Variants in LINGO2 observed in about 807,000 individuals in gnomAD.
The protein encoded by LINGO2 is leucine rich repeat and Ig domain containing 2.
In LINGO2, 14 loss-of-function variants were observed where a neutral mutation model predicts 30.6. The ratio of observed to expected loss-of-function variants is 0.46; its 90% CI spans 0.30 to 0.72. LINGO2 has a LOEUF of 0.72. Among genes scored for constraint, LINGO2 ranks in the 30% least tolerant of loss-of-function variants. LINGO2 has a pLI of 0.07. For synonymous variants in LINGO2, 317 were observed against 288.5 expected, an observed-to-expected ratio of 1.10 and a Z score of -1.00; for missense variants, 729 against 751.7, an observed-to-expected ratio of 0.97 and a Z score of 0.35.
intron 2 of LINGO2, among the ~76,000 whole-genome samples, chr9:28,402,851 A>AC (rs1238915958): frequency 6.6e-6 from 1 of 152,088 alleles, no homozygotes; most frequent in Non-Finnish European, 1.5e-5. Context: ...GTTCCCAAAC[A>AC]CCTTACACTT....
At chr9:28,508,193 C>T (rs1820229097) in intron 1 of LINGO2, among the ~76,000 whole-genome samples, 1 of 152,034 alleles carries the variant, frequency 6.6e-6, no homozygotes, top group Non-Finnish European at 1.5e-5. Context: ...CTTTAGGCTA[C>T]TGCTTTGTAC....
chr9:28,466,820 A>G (rs1825323584), intron 2 of LINGO2, among the ~76,000 whole-genome samples: 1 of 152,194 alleles, frequency 6.6e-6, no homozygotes, highest in East Asian at 1.9e-4. Flanking sequence ...TCTTTTATTA[A>G]ATTGAACACA....
At position 28,036,760 on chromosome 9, in the gene LINGO2, G is replaced by A. The variant is rs191481968; in HGVS notation, c.-86-24355C>T. On this transcript the variant is annotated intron_variant, in intron 4 of 5. Coordinates refer to ENST00000379992, the Ensembl canonical transcript of LINGO2. Reference sequence around the variant, plus strand: ...AATGGAAAAATGCAAATAGATACACGTGTAAGATAAGAGACAATTAGGAAA... The same window carrying A: ...AATGGAAAAATGCAAATAGATACACATGTAAGATAAGAGACAATTAGGAAA... Among the ~76,000 whole-genome samples, 16 of 152,104 alleles carry A rather than the reference G, an allele frequency of 1.1e-4. No homozygotes were observed. The East Asian group carries it at 1.5e-3, about 15-fold the overall frequency.
At chr9:28,999,953 A>G in the LINGO2 span, among the ~76,000 whole-genome samples, 4 of 151,986 alleles carry the variant, frequency 2.6e-5, no homozygotes, top group East Asian at 5.8e-4. Flanking sequence ...AACCCCATAT[A>G]CTAAATGTAC....
chr9:29,180,758 TA>T, the LINGO2 span, among the ~76,000 whole-genome samples: 1 of 152,080 alleles, frequency 6.6e-6, no homozygotes, highest in Non-Finnish European at 1.5e-5. Context: ...AAATAACAAC[TA>T]AAGGGAAAAT....
the LINGO2 span, among the ~76,000 whole-genome samples, chr9:29,051,149 C>T: frequency 6.6e-6 from 1 of 152,070 alleles, no homozygotes; most frequent in Non-Finnish European, 1.5e-5. Context: ...CACATCATCA[C>T]CCAAAAAGCC....
At chr9:28,237,761 A>G (rs1483261977) in intron 4 of LINGO2, among the ~76,000 whole-genome samples, 1 of 152,060 alleles carries the variant, frequency 6.6e-6, no homozygotes, top group African/African-American at 2.4e-5. Context: ...AGGTTGAAGC[A>G]GAGAATTGCT....
At chr9:28,142,943 C>T (rs1011519840) in intron 4 of LINGO2, among the ~76,000 whole-genome samples, 2 of 152,134 alleles carry the variant, frequency 1.3e-5, no homozygotes, top group African/African-American at 4.8e-5. Flanking sequence ...AATCAACTTC[C>T]TATGCTGGTC....
chr9:28,283,408 A>G (rs2134135880), intron 4 of LINGO2, among the ~76,000 whole-genome samples: 1 of 152,336 alleles, frequency 6.6e-6, no homozygotes, highest in South Asian at 2.1e-4. Context: ...AGAAATACTA[A>G]GGATTTTAAG....
intron 3 of LINGO2, among the ~76,000 whole-genome samples, chr9:28,332,109 C>T (rs1564128491): frequency 6.6e-6 from 1 of 152,122 alleles, no homozygotes; most frequent in Non-Finnish European, 1.5e-5. Flanking sequence ...TTTAAGTAAA[C>T]TCTGAAGAAA....
At chr9:28,108,968 C>A (rs999573721) in intron 4 of LINGO2, among the ~76,000 whole-genome samples, 1 of 151,838 alleles carries the variant, frequency 6.6e-6, no homozygotes, top group Admixed American at 6.6e-5. Flanking sequence ...AAGGAAAACC[C>A]TGATGAACAT....
chr9:28,432,585 T>C (rs1554720453), intron 2 of LINGO2, among the ~76,000 whole-genome samples: 1 of 152,064 alleles, frequency 6.6e-6, no homozygotes, highest in Non-Finnish European at 1.5e-5. Flanking sequence ...GTATTAAAAA[T>C]AAATCTATTC....
intron 4 of LINGO2, among the ~76,000 whole-genome samples, chr9:28,048,545 TTATA>T (rs1230361094): frequency 4.0e-5 from 6 of 150,810 alleles, no homozygotes; most frequent in Admixed American, 1.3e-4. Context: ...ATTTATTTAT[TTATA>T]GTGATCTTAT....
At chr9:28,992,830 C>T in the LINGO2 span, among the ~76,000 whole-genome samples, 1 of 151,856 alleles carries the variant, frequency 6.6e-6, no homozygotes, top group Non-Finnish European at 1.5e-5. Flanking sequence ...AACGAAGACA[C>T]AACATACCAG....
the LINGO2 span, among the ~76,000 whole-genome samples, chr9:28,987,691 C>G: frequency 2.0e-5 from 3 of 151,988 alleles, no homozygotes; most frequent in Non-Finnish European, 4.4e-5. Context: ...ATAAACTTAC[C>G]TCTTAGAACT....
the LINGO2 span, among the ~76,000 whole-genome samples, chr9:28,821,863 T>C: frequency 6.6e-6 from 1 of 152,036 alleles, no homozygotes; most frequent in African/African-American, 2.4e-5. Flanking sequence ...CAAAGGCCCG[T>C]CAAGGTAATA....
At chr9:28,165,468 CA>C (rs912124548) in intron 4 of LINGO2, among the ~76,000 whole-genome samples, 3 of 152,132 alleles carry the variant, frequency 2.0e-5, no homozygotes, top group African/African-American at 7.2e-5. Context: ...TTTCTTTGTT[CA>C]AACCATATAG....
intron 4 of LINGO2, among the ~76,000 whole-genome samples, chr9:28,198,470 C>T (rs1360047764): frequency 6.6e-6 from 1 of 152,110 alleles, no homozygotes; most frequent in African/African-American, 2.4e-5. Context: ...CATACTTTTG[C>T]TTTTCAATTT....
chr9:28,047,720 A>C (rs975764198), intron 4 of LINGO2, among the ~76,000 whole-genome samples: 6 of 150,952 alleles, frequency 4.0e-5, no homozygotes, highest in Non-Finnish European at 8.8e-5. Flanking sequence ...GGTGCATATT[A>C]CATGCTTAGT....
Sources: allele counts gnomAD v4.1 joint callset (sites outside exome capture counted in the v4.1 genomes callset), GRCh38; gene constraint gnomAD v4.1.1; transcripts MANE v1.5; gene names NCBI Gene and HGNC (gene_info 2026-07-23, HGNC 2026-07-21).